Variants in JMJD1C observed in about 807,000 individuals in gnomAD.
JMJD1C encodes jumonji domain-containing protein 1C.
JMJD1C carries 31 observed loss-of-function variants against 245.3 expected under a neutral mutation model. The ratio of observed to expected loss-of-function variants is 0.13; its 90% CI spans 0.09 to 0.17. JMJD1C has a LOEUF of 0.17. Among genes scored for constraint, JMJD1C ranks in the 10% least tolerant of loss-of-function variants. The pLI, the probability that JMJD1C is intolerant of heterozygous loss-of-function variation, is 1.00. For missense variants in JMJD1C, 2,691 were observed against 3,000.2 expected (o/e 0.90, Z 2.41); for synonymous variants, 1,057 against 1,017.4 (o/e 1.04, Z -0.74).
chr10:63,340,874 G>A (rs1564808708), intron 2 of JMJD1C, among the ~76,000 whole-genome samples: 1 of 152,162 alleles, frequency 6.6e-6, no homozygotes, highest in Non-Finnish European at 1.5e-5. Context: ...GAACCCAGGA[G>A]ATGGAGGTTG....
intron 13 of JMJD1C, among the ~76,000 whole-genome samples, chr10:63,195,350 T>C (rs1845337317): frequency 9.3e-6 from 1 of 107,650 alleles, no homozygotes; most frequent in Non-Finnish European, 2.1e-5. Flanking sequence ...CAAGACACCA[T>C]CTCAAAAAAA....
At chr10:63,401,848 G>A (rs1163395443) in intron 1 of JMJD1C, among the ~76,000 whole-genome samples, 1 of 151,862 alleles carries the variant, frequency 6.6e-6, no homozygotes, top group Non-Finnish European at 1.5e-5. Context: ...AATAAAAGAG[G>A]ACCCAGCAGG....
chr10:63,381,103 C>A (rs1458731483), intron 1 of JMJD1C, among the ~76,000 whole-genome samples: 1 of 152,148 alleles, frequency 6.6e-6, no homozygotes, highest in African/African-American at 2.4e-5. Flanking sequence ...AGAATGAAAT[C>A]TTGTCTTTTG....
chr10:63,480,201 C>T (rs902716164), intron 1 of JMJD1C, among the ~76,000 whole-genome samples: 1 of 152,084 alleles, frequency 6.6e-6, no homozygotes, highest in African/African-American at 2.4e-5. Flanking sequence ...TGGAAAGGGT[C>T]CCATTTCACC....
chr10:63,444,623 CTTTTT>C (rs200830089), intron 1 of JMJD1C, among the ~76,000 whole-genome samples: 1 of 134,492 alleles, frequency 7.4e-6, no homozygotes, highest in Non-Finnish European at 1.6e-5. Flanking sequence ...TACCTACTAT[CTTTTT>C]TTTTTTTTTT....
chr10:63,412,442 T>C (rs1368530858), intron 1 of JMJD1C, among the ~76,000 whole-genome samples: 1 of 152,204 alleles, frequency 6.6e-6, no homozygotes, highest in Non-Finnish European at 1.5e-5. Context: ...GATCATTTCT[T>C]ATTGCAATAT....
In JMJD1C at chr10:63,184,678, G is replaced by C. The variant is rs1365240152; in HGVS notation, c.6891C>G (p.Phe2297Leu). Residue 2297 changes from phenylalanine (F) to leucine (L), a missense_variant, in exon 21 of 26, where the codon TTC becomes TTG. Physicochemically the swap from Phe to Leu is conservative, Grantham distance 22 (BLOSUM62 0). This residue lies in a region of JMJD1C where 232 missense variants were observed against 416.1 expected (regional missense o/e 0.56). Transcript: ENST00000399262. ...LPEYCNPEGK[F>L]NLASHLPGFF... ...ATCCTGGCAAATGAGAGGCCAAATT[G>C]AATTTTCCTTCTGGATTACAATATT... The C allele has an allele frequency of 1.9e-6, 3 of 1,613,656 alleles. No homozygotes were observed. The highest frequency in any genetic ancestry group is 2.5e-6 in the Non-Finnish European group (3 of 1,179,704).
chr10:63,222,812 G>A, intron 3 of JMJD1C: 1 of 1,445,460 alleles, frequency 6.9e-7, no homozygotes, highest in Admixed American at 1.7e-5. Flanking sequence ...ATTAATGATT[G>A]AGACAGATGC....
intron 1 of JMJD1C, among the ~76,000 whole-genome samples, chr10:63,401,176 G>A (rs1301067865): frequency 6.6e-6 from 1 of 152,094 alleles, no homozygotes; most frequent in Non-Finnish European, 1.5e-5. Flanking sequence ...CTCTCTTGCG[G>A]TAGAACTTCA....
At chr10:63,186,034 A>G (rs1382754510) in intron 19 of JMJD1C, among the ~76,000 whole-genome samples, 181 bp downstream of exon 19, 1 of 152,246 alleles carries the variant, frequency 6.6e-6, no homozygotes, top group Non-Finnish European at 1.5e-5. Context: ...TTTAAGGTCA[A>G]AGGAAATTAG....
chr10:63,249,087 G>A (rs1016858302), intron 3 of JMJD1C, among the ~76,000 whole-genome samples: 3 of 151,868 alleles, frequency 2.0e-5, no homozygotes, highest in Non-Finnish European at 4.4e-5. Flanking sequence ...AGGCCAAGGC[G>A]GGTGGATCAC....
At chr10:63,477,553 CAAAA>C (rs34332584) in intron 1 of JMJD1C, among the ~76,000 whole-genome samples, 1 of 126,676 alleles carries the variant, frequency 7.9e-6, no homozygotes, top group Non-Finnish European at 1.7e-5. Context: ...ATCCATATGT[CAAAA>C]AAAAAAAAAA....
intron 1 of JMJD1C, among the ~76,000 whole-genome samples, chr10:63,385,128 T>C (rs1184145948): frequency 6.6e-6 from 1 of 152,078 alleles, no homozygotes; most frequent in Non-Finnish European, 1.5e-5. Flanking sequence ...GGGGAATGGC[T>C]GGTTAGTGGA....
chr10:63,486,015 AT>A (rs1953981086), intron 1 of JMJD1C, among the ~76,000 whole-genome samples: 1 of 152,020 alleles, frequency 6.6e-6, no homozygotes. Context: ...GGGGCAACTA[AT>A]CCAGGATTGG....
At chr10:63,290,575 A>G (rs1053408575) in intron 2 of JMJD1C, among the ~76,000 whole-genome samples, 4 of 152,170 alleles carry the variant, frequency 2.6e-5, no homozygotes, top group Admixed American at 6.5e-5. Context: ...ATAAATAAAT[A>G]AAAGTAGATG....
chr10:63,329,196 G>A (rs1941859824), intron 2 of JMJD1C, among the ~76,000 whole-genome samples: 1 of 151,840 alleles, frequency 6.6e-6, no homozygotes, highest in African/African-American at 2.4e-5. Context: ...GTGGGAGAAT[G>A]GCTTGAGCCT....
intron 1 of JMJD1C, among the ~76,000 whole-genome samples, chr10:63,457,939 T>C (rs2133067202): frequency 6.6e-6 from 1 of 152,350 alleles, no homozygotes; most frequent in Admixed American, 6.5e-5. Context: ...TTTTTCTACT[T>C]AGCCATGTAT....
chr10:63,518,230 T>C (rs1170766540), intron 1 of JMJD1C, among the ~76,000 whole-genome samples: 2 of 152,194 alleles, frequency 1.3e-5, no homozygotes, highest in Non-Finnish European at 1.5e-5. Flanking sequence ...CATGAGAGAC[T>C]CTTCTCAGAT....
chr10:63,201,089 C>T (rs968067952), intron 10 of JMJD1C, among the ~76,000 whole-genome samples: 12 of 152,074 alleles, frequency 7.9e-5, no homozygotes, highest in African/African-American at 2.2e-4. Flanking sequence ...ACAGCAAGAA[C>T]GTAAAGATTA....
Sources: allele counts gnomAD v4.1 joint callset (sites outside exome capture counted in the v4.1 genomes callset), GRCh38; gene constraint gnomAD v4.1.1; regional missense constraint gnomAD v4.1.1; transcripts MANE v1.5; gene names NCBI Gene and HGNC (gene_info 2026-07-23, HGNC 2026-07-21).